The following SMIM14 variants were observed in gnomAD, a reference collection of about 807,000 sequenced individuals.
SMIM14 encodes the protein chromosome 4 open reading frame 34.
In SMIM14, 5 loss-of-function variants were observed where a neutral mutation model predicts 12.6. That is an observed-to-expected ratio of 0.40 (90% confidence interval 0.21 to 0.83). The LOEUF is 0.83. Among genes scored for constraint, SMIM14 ranks in the 40% least tolerant of loss-of-function variants. The pLI, the probability that SMIM14 is intolerant of heterozygous loss-of-function variation, is 0.37. For synonymous variants in SMIM14, 30 were observed against 40.1 expected, an observed-to-expected ratio of 0.75 and a Z score of 0.95; for missense variants, 86 against 119.1, an observed-to-expected ratio of 0.72 and a Z score of 1.29.
At chr4:39,577,355 G>A (rs1404275225) in intron 2 of SMIM14, among the ~76,000 whole-genome samples, 1 of 152,016 alleles carries the variant, frequency 6.6e-6, no homozygotes, top group African/African-American at 2.4e-5. Context: ...AGAAAAGCAG[G>A]AGTCAAATTA....
intron 3 of SMIM14, among the ~76,000 whole-genome samples, chr4:39,571,738 G>A (rs1712900786): frequency 6.6e-6 from 1 of 151,468 alleles, no homozygotes; most frequent in Middle Eastern, 3.2e-3. Flanking sequence ...TATTTGCCAA[G>A]AAAAAAAGAC....
chr4:39,619,763 TATC>T (rs1174343929), intron 1 of SMIM14, among the ~76,000 whole-genome samples: 1 of 139,284 alleles, frequency 7.2e-6, no homozygotes, highest in Non-Finnish European at 1.5e-5. Flanking sequence ...ATTATATATA[TATC>T]AATAAATAAT....
intron 1 of SMIM14, among the ~76,000 whole-genome samples, chr4:39,617,007 C>T (rs866753829): frequency 2.6e-5 from 4 of 152,002 alleles, no homozygotes; most frequent in African/African-American, 9.7e-5. Flanking sequence ...CTCATTATAC[C>T]GGTTATTGTT....
At chr4:39,577,433 T>C (rs79669588) in intron 2 of SMIM14, among the ~76,000 whole-genome samples, 1 of 148,530 alleles carries the variant, frequency 6.7e-6, no homozygotes, top group Non-Finnish European at 1.5e-5. Flanking sequence ...TTTCAGCCTT[T>C]TTTTTTTTTT....
At chr4:39,624,485 G>C (rs1417082185) in intron 1 of SMIM14, among the ~76,000 whole-genome samples, 1 of 152,070 alleles carries the variant, frequency 6.6e-6, no homozygotes. Flanking sequence ...CCCTTACAAA[G>C]ACAACTTTAG....
intron 1 of SMIM14, among the ~76,000 whole-genome samples, chr4:39,623,177 G>A (rs1283063962): frequency 6.6e-6 from 1 of 152,048 alleles, no homozygotes; most frequent in Non-Finnish European, 1.5e-5. Flanking sequence ...AATACCTGGG[G>A]TCTAGTTTAA....
At chr4:39,592,286 T>A (rs1714144161) in intron 2 of SMIM14, among the ~76,000 whole-genome samples, 1 of 150,320 alleles carries the variant, frequency 6.7e-6, no homozygotes, top group African/African-American at 2.4e-5. Context: ...TTTTTTTTTT[T>A]AAGACAGGGT....
chr4:39,577,249 C>T (rs1481376737), intron 2 of SMIM14, among the ~76,000 whole-genome samples: 2 of 151,810 alleles, frequency 1.3e-5, no homozygotes, highest in Non-Finnish European at 2.9e-5. Context: ...TCTATAGAAC[C>T]AATTACTCAC....
At chr4:39,588,653 A>C (rs1399329212) in intron 2 of SMIM14, among the ~76,000 whole-genome samples, 2 of 152,124 alleles carry the variant, frequency 1.3e-5, no homozygotes, top group Non-Finnish European at 2.9e-5. Flanking sequence ...GAAAATATAC[A>C]TATTCCATAG....
At chr4:39,611,907 G>T (rs1476065564) in intron 1 of SMIM14, 1 of 152,144 alleles carries the variant, frequency 6.6e-6, no homozygotes, top group Non-Finnish European at 1.5e-5. Context: ...ATATTGAGAT[G>T]AAATCAAGCT....
intron 1 of SMIM14, among the ~76,000 whole-genome samples, chr4:39,619,876 A>ATATATT (rs71192884): frequency 1.9e-3 from 222 of 115,846 alleles, no homozygotes; most frequent in Non-Finnish European, 2.8e-3. Context: ...ATATATATAT[A>ATATATT]TTTTTTTTTT....
intron 2 of SMIM14, among the ~76,000 whole-genome samples, chr4:39,601,734 G>A (rs192865390): frequency 3.3e-5 from 5 of 152,032 alleles, no homozygotes; most frequent in African/African-American, 1.2e-4. Flanking sequence ...ATCACTTGAG[G>A]CCAGGAGTTC....
At chr4:39,565,858 A>T (rs1712544727) in intron 3 of SMIM14, among the ~76,000 whole-genome samples, 1 of 151,910 alleles carries the variant, frequency 6.6e-6, no homozygotes, top group Non-Finnish European at 1.5e-5. Flanking sequence ...TCTTCTCATG[A>T]TAGTAAACAA....
At chr4:39,552,625 T>A (rs192308233) in intron 4 of SMIM14, among the ~76,000 whole-genome samples, 1 of 152,354 alleles carries the variant, frequency 6.6e-6, no homozygotes. Context: ...CAGTTGCTTC[T>A]GGTAGTCATC....
intron 1 of SMIM14, among the ~76,000 whole-genome samples, chr4:39,622,327 C>G (rs974164308): frequency 4.6e-5 from 7 of 152,082 alleles, no homozygotes; most frequent in South Asian, 2.1e-4. Context: ...CATGATCCCC[C>G]CAACTTGGCC....
At chr4:39,592,110 C>T (rs549299860) in intron 2 of SMIM14, among the ~76,000 whole-genome samples, 1 of 152,046 alleles carries the variant, frequency 6.6e-6, no homozygotes, top group African/African-American at 2.4e-5. Flanking sequence ...GTGGGAGGAT[C>T]GCTTGAGCCC....
intron 2 of SMIM14, among the ~76,000 whole-genome samples, chr4:39,581,358 C>T (rs900830560): frequency 8.5e-5 from 13 of 152,070 alleles, no homozygotes; most frequent in African/African-American, 3.1e-4. Context: ...TCACTTTAAC[C>T]AGAACCTGAA....
intron 1 of SMIM14, among the ~76,000 whole-genome samples, chr4:39,608,549 T>G (rs1434647897): frequency 1.3e-5 from 2 of 152,138 alleles, no homozygotes; most frequent in East Asian, 3.8e-4. Context: ...AGACAAAAAA[T>G]AATATGCTAT....
intron 2 of SMIM14, among the ~76,000 whole-genome samples, chr4:39,602,350 T>C (rs2110054871): frequency 6.6e-6 from 1 of 151,572 alleles, no homozygotes; most frequent in African/African-American, 2.4e-5. Context: ...ATCCCAGCAC[T>C]TTGGGAGGCC....
Sources: allele counts gnomAD v4.1 joint callset (sites outside exome capture counted in the v4.1 genomes callset), GRCh38; gene constraint gnomAD v4.1.1; transcripts MANE v1.5; gene names NCBI Gene and HGNC (gene_info 2026-07-23, HGNC 2026-07-21).